The following SNTG1 variants were observed in gnomAD, a reference collection of about 807,000 sequenced individuals.
SNTG1 encodes syntrophin gamma 1, also known as gamma-1-syntrophin.
A neutral mutation model predicts 74.7 loss-of-function variants in SNTG1; 39 were observed. The ratio of observed to expected loss-of-function variants is 0.52; its 90% confidence interval spans 0.40 to 0.68. The LOEUF (loss-of-function observed/expected upper bound fraction) is 0.68, where lower values mean the gene tolerates loss of function less well. SNTG1 is among the 30% of genes least tolerant of loss of function. The pLI, the probability that SNTG1 is intolerant of heterozygous loss-of-function variation, is 0.00. For missense variants in SNTG1, 685 were observed against 609.5 expected (o/e 1.12, Z -1.30); for synonymous variants, 254 against 217.1 (o/e 1.17, Z -1.49).
At chr8:50,245,033 A>T (rs994585930) in intron 2 of SNTG1, among the ~76,000 whole-genome samples, 1 of 152,116 alleles carries the variant, frequency 6.6e-6, no homozygotes, top group African/African-American at 2.4e-5. Context: ...CAAAAGTTTT[A>T]TTATGTTTTC....
intron 2 of SNTG1, among the ~76,000 whole-genome samples, chr8:50,254,903 G>A (rs2086809613): frequency 2.0e-5 from 3 of 148,514 alleles, no homozygotes; most frequent in Admixed American, 1.3e-4. Flanking sequence ...AGTCTCTTGC[G>A]CAAGACTTCT....
At chr8:50,572,339 G>A (rs914491536) in intron 12 of SNTG1, among the ~76,000 whole-genome samples, 4 of 151,446 alleles carry the variant, frequency 2.6e-5, no homozygotes, top group African/African-American at 4.9e-5. Flanking sequence ...TGAATGATTC[G>A]ACACTGAACA....
At chr8:50,036,506 A>G (rs973000623) in intron 1 of SNTG1, among the ~76,000 whole-genome samples, 3 of 152,282 alleles carry the variant, frequency 2.0e-5, no homozygotes, top group African/African-American at 4.8e-5. Flanking sequence ...TAGTTTTTCT[A>G]TCATCATGCT....
At chr8:50,071,067 A>G (rs569930641) in intron 1 of SNTG1, among the ~76,000 whole-genome samples, 189 of 152,330 alleles carry the variant, frequency 1.2e-3, no homozygotes, top group African/African-American at 4.4e-3. Context: ...AAGCAGGTAC[A>G]ATCTATTTAC....
At chr8:50,690,753 G>A (rs573176877) in intron 15 of SNTG1, among the ~76,000 whole-genome samples, 25 of 152,292 alleles carry the variant, frequency 1.6e-4, no homozygotes, top group African/African-American at 5.5e-4. Context: ...TTCTGCAGAT[G>A]TCTATTAGGT....
rs552192010 is a variant in SNTG1 at position 49,915,432 on chromosome 8, T to C, written c.-103+3201T>C. ...TTAACAACTCTCAGCATAGGGAATA[T>C]AATACTTCCCTGATACTTCAGCAGT... On this transcript the variant is annotated intron_variant, in intron 1 of 18. Transcript: ENST00000642720. 1.8e-3 allele frequency among the ~76,000 whole-genome samples: 281 copies of C among 152,298 alleles called. 1 individual carries two copies. Among genetic ancestry groups the C allele is most frequent in the African/African-American group, 6.4e-3 (265 of 41,568 alleles).
chr8:50,487,695 G>GC (rs1272262454), intron 8 of SNTG1, among the ~76,000 whole-genome samples: 3 of 95,390 alleles, frequency 3.1e-5, no homozygotes, highest in African/African-American at 8.8e-5. Flanking sequence ...TGTGGGGTCG[G>GC]AGGGGGGGGA....
intron 2 of SNTG1, among the ~76,000 whole-genome samples, chr8:50,328,870 T>C (rs1183822938): frequency 6.6e-6 from 1 of 152,212 alleles, no homozygotes; most frequent in East Asian, 1.9e-4. Flanking sequence ...CAAGTTCAAA[T>C]TATCATCTCA....
rs374803407 is a variant in SNTG1, at chr8:50,379,318, G to A, written c.-27-14894G>A. Among the ~76,000 whole-genome samples the A allele has an allele frequency of 1.3e-4, 20 of 152,290 alleles. 1 individual carries two copies. In the South Asian group the frequency reaches 3.1e-3, roughly 24 times the overall value. On this transcript the variant is annotated intron_variant, in intron 2 of 18. Transcript: ENST00000642720. ...CAGGAGTAGGCACTTCCTAGCCTAT[G>A]AAAGCAGGGGGGGCCTTCATGGGCC...
At chr8:50,212,278 T>C (rs1205585692) in intron 2 of SNTG1, among the ~76,000 whole-genome samples, 1 of 152,180 alleles carries the variant, frequency 6.6e-6, no homozygotes, top group Non-Finnish European at 1.5e-5. Flanking sequence ...CAGTTCCAGA[T>C]AGGGGTCCAT....
At chr8:50,590,783 A>G (rs1314666022) in intron 12 of SNTG1, 96 bp from the exon 13 acceptor site, 6 of 706,102 alleles carry the variant, frequency 8.5e-6, no homozygotes, top group Middle Eastern at 3.5e-4. Context: ...ATATTAGTAT[A>G]TATTAGCTCA....
At chr8:50,069,179 T>A (rs1821144135) in intron 1 of SNTG1, among the ~76,000 whole-genome samples, 1 of 152,112 alleles carries the variant, frequency 6.6e-6, no homozygotes, top group South Asian at 2.1e-4. Flanking sequence ...AAAAGGGAAA[T>A]GAAGTTTGGG....
At chr8:50,638,307 C>T (rs2095051602) in intron 13 of SNTG1, among the ~76,000 whole-genome samples, 2 of 152,020 alleles carry the variant, frequency 1.3e-5, no homozygotes, top group South Asian at 2.1e-4. Flanking sequence ...TATAAACCAC[C>T]AAGGTTTTGT....
intron 1 of SNTG1, among the ~76,000 whole-genome samples, chr8:50,078,713 G>GC (rs896959615): frequency 4.0e-5 from 6 of 151,854 alleles, no homozygotes; most frequent in African/African-American, 1.5e-4. Flanking sequence ...CCTTTCTCTA[G>GC]CCCCCCAACC....
chr8:50,112,443 T>TA (rs2080628981), intron 1 of SNTG1, among the ~76,000 whole-genome samples: 2 of 149,022 alleles, frequency 1.3e-5, no homozygotes, highest in African/African-American at 2.5e-5. Context: ...AAACCTTAAT[T>TA]AAAAAACTAG....
intron 18 of SNTG1, among the ~76,000 whole-genome samples, chr8:50,755,404 A>C (rs1388920155): frequency 6.6e-6 from 1 of 151,826 alleles, no homozygotes; most frequent in African/African-American, 2.4e-5. Context: ...TATGACTTTA[A>C]GTTTCTTCCA....
chr8:50,641,025 T>G (rs996873207), intron 13 of SNTG1, among the ~76,000 whole-genome samples: 2 of 152,156 alleles, frequency 1.3e-5, no homozygotes, highest in African/African-American at 4.8e-5. Flanking sequence ...TTCAATTGCT[T>G]CTTTACTCTT....
rs371754276 is a variant in SNTG1 at position 50,689,110 on chromosome 8, G to A, written c.1039-15490G>A. On this transcript the variant is annotated intron_variant, in intron 15 of 18. Coordinates refer to ENST00000642720, the MANE Select transcript of SNTG1 (RefSeq NM_018967.5). Reference sequence around the variant, plus strand: ...TGTGAACATTGATTTTGTATCCTGAGACTTTGCTGAAGTTGCTTATCAGCT... The same window carrying A: ...TGTGAACATTGATTTTGTATCCTGAAACTTTGCTGAAGTTGCTTATCAGCT... Among the ~76,000 whole-genome samples, 47 of 144,994 alleles carry A rather than the reference G, an allele frequency of 3.2e-4. No homozygotes were observed. The East Asian group carries it at 8.9e-3, about 28-fold the overall frequency.
intron 2 of SNTG1, among the ~76,000 whole-genome samples, chr8:50,293,648 G>A (rs769296030): frequency 7.9e-5 from 12 of 151,952 alleles, no homozygotes; most frequent in Admixed American, 3.3e-4. Flanking sequence ...GACCTGAAGC[G>A]ATCCACCTGC....
Sources: allele counts gnomAD v4.1 joint callset (sites outside exome capture counted in the v4.1 genomes callset), GRCh38; gene constraint gnomAD v4.1.1; transcripts MANE v1.5; gene names NCBI Gene and HGNC (gene_info 2026-07-23, HGNC 2026-07-21).